FSTL5: variants seen among roughly 807,000 people sequenced by gnomAD.
FSTL5 encodes the protein follistatin-related protein 5.
A neutral mutation model predicts 89.1 loss-of-function variants in FSTL5; 62 were observed. That is an observed-to-expected ratio of 0.70 (90% CI 0.57 to 0.86). FSTL5 has a LOEUF of 0.86. Ranked by LOEUF, FSTL5 falls within the 40% of genes least tolerant of loss-of-function variation. The pLI is 0.00. For missense variants in FSTL5, 1,057 were observed against 1,001.6 expected, an observed-to-expected ratio of 1.06 and a Z score of -0.75; for synonymous variants, 383 against 346.2, an observed-to-expected ratio of 1.11 and a Z score of -1.18.
intron 1 of FSTL5, among the ~76,000 whole-genome samples, chr4:162,140,729 G>C (rs1277854226): frequency 3.9e-5 from 6 of 152,122 alleles, no homozygotes; most frequent in African/African-American, 1.4e-4. Context: ...TAGAAATAGC[G>C]CTGACTTGTT....
Position 161,658,555 on chromosome 4 carries a change from GTACACATATAAAACCACACATACA to G in FSTL5, c.728-2085_728-2062del, listed in dbSNP as rs537964140. On this transcript the variant is annotated intron_variant, in intron 6 of 15. Transcript: ENST00000306100. Reference sequence around the variant, plus strand: ...TGTCTCTGTTATATATCACATATGTGTACACATATAAAACCACACATACATACACAGAAACATAAACACACATAT... The same window carrying G: ...TGTCTCTGTTATATATCACATATGTGTACACAGAAACATAAACACACATAT... Among the ~76,000 whole-genome samples, 917 of 151,852 alleles carry G rather than the reference GTACACATATAAAACCACACATACA, an allele frequency of 6.0e-3. 10 individuals carry two copies. The highest frequency in any genetic ancestry group is 0.045 in the South Asian group (218 of 4,808).
At chr4:161,655,373 GTA>G (rs1736480001) in intron 7 of FSTL5, among the ~76,000 whole-genome samples, 2 of 151,942 alleles carry the variant, frequency 1.3e-5, no homozygotes, top group Non-Finnish European at 2.9e-5. Context: ...ATGGGAGTTG[GTA>G]TAGTCCCTAT....
intron 15 of FSTL5, among the ~76,000 whole-genome samples, chr4:161,398,705 T>C (rs1731082585): frequency 6.6e-6 from 1 of 152,150 alleles, no homozygotes; most frequent in Admixed American, 6.5e-5. Context: ...CTCAATGGAA[T>C]AGGCACTTTC....
intron 12 of FSTL5, among the ~76,000 whole-genome samples, chr4:161,499,238 T>C (rs1730210032): frequency 1.3e-5 from 2 of 152,054 alleles, no homozygotes; most frequent in Admixed American, 1.3e-4. Context: ...CCATGTGCAA[T>C]TTAAGATTTT....
chr4:161,798,764 A>G (rs1254626446), intron 4 of FSTL5, among the ~76,000 whole-genome samples: 1 of 151,716 alleles, frequency 6.6e-6, no homozygotes, highest in Non-Finnish European at 1.5e-5. Context: ...TAACTCTCTT[A>G]AAGATGAGAC....
At chr4:161,713,952 T>C (rs944952810) in intron 6 of FSTL5, among the ~76,000 whole-genome samples, 7 of 152,194 alleles carry the variant, frequency 4.6e-5, no homozygotes, top group African/African-American at 1.7e-4. Flanking sequence ...CACTTTCAAT[T>C]AGTATTCTTT....
At chr4:161,455,189 A>C in intron 14 of FSTL5, 61 bp from the exon 15 acceptor site, 2 of 1,347,874 alleles carry the variant, frequency 1.5e-6, no homozygotes, top group Non-Finnish European at 2.0e-6. Flanking sequence ...TATAAGCTTT[A>C]ATTTTATTTA....
intron 1 of FSTL5, among the ~76,000 whole-genome samples, chr4:162,129,096 C>A (rs1732196666): frequency 6.6e-6 from 1 of 152,108 alleles, no homozygotes; most frequent in African/African-American, 2.4e-5. Context: ...CCACGCCCAG[C>A]TAATTTTTGT....
At chr4:161,493,342 A>T (rs79360007) in intron 12 of FSTL5, among the ~76,000 whole-genome samples, 1,694 of 151,950 alleles carry the variant, frequency 0.011, 28 homozygotes, top group African/African-American at 0.038. Context: ...AAATATCATC[A>T]CTAACTACCT....
At chr4:161,538,723 G>T (rs562403593) in intron 9 of FSTL5, among the ~76,000 whole-genome samples, 1 of 152,062 alleles carries the variant, frequency 6.6e-6, no homozygotes, top group African/African-American at 2.4e-5. Flanking sequence ...GTAATTAATT[G>T]AGCTAAATCA....
intron 11 of FSTL5, among the ~76,000 whole-genome samples, chr4:161,508,888 G>A (rs1011721492): frequency 1.3e-5 from 2 of 151,934 alleles, no homozygotes; most frequent in Admixed American, 6.6e-5. Flanking sequence ...GCAATTAACC[G>A]TCAAAGCCAG....
chr4:162,088,261 C>T (rs1384801), intron 2 of FSTL5, among the ~76,000 whole-genome samples: 150,358 of 152,038 alleles, frequency 0.99, 74,353 homozygotes, highest in Middle Eastern at 1. Context: ...TGGTGCCTAA[C>T]AGAATATTAG....
chr4:161,690,339 A>T (rs1737886451), intron 6 of FSTL5, among the ~76,000 whole-genome samples: 1 of 152,144 alleles, frequency 6.6e-6, no homozygotes, highest in South Asian at 2.1e-4. Flanking sequence ...GGTAAAATAT[A>T]CATATAAAAT....
chr4:162,136,939 A>T (rs1251461214), intron 1 of FSTL5, among the ~76,000 whole-genome samples: 1 of 152,106 alleles, frequency 6.6e-6, no homozygotes, highest in Non-Finnish European at 1.5e-5. Context: ...TTTTTAAAAG[A>T]AGAACATTTT....
At chr4:162,062,737 A>G (rs1056040711) in intron 2 of FSTL5, among the ~76,000 whole-genome samples, 1 of 151,312 alleles carries the variant, frequency 6.6e-6, no homozygotes, top group Non-Finnish European at 1.5e-5. Context: ...AAATATATAT[A>G]TGTATATACA....
At chr4:161,453,991 T>C (rs1313225099) in intron 15 of FSTL5, among the ~76,000 whole-genome samples, 2 of 152,164 alleles carry the variant, frequency 1.3e-5, no homozygotes, top group Non-Finnish European at 2.9e-5. Context: ...ACTTTGAAAA[T>C]ATGCTTGGCT....
chr4:162,064,605 C>A (rs756419113), intron 2 of FSTL5, among the ~76,000 whole-genome samples: 1 of 152,036 alleles, frequency 6.6e-6, no homozygotes, highest in African/African-American at 2.4e-5. Flanking sequence ...AACCTGCCAA[C>A]TTTCAGACTG....
intron 7 of FSTL5, among the ~76,000 whole-genome samples, chr4:161,615,432 G>A (rs1410420303): frequency 7.1e-6 from 1 of 139,874 alleles, no homozygotes; most frequent in Non-Finnish European, 1.5e-5. Flanking sequence ...GTGACAGGGC[G>A]AGACTCCATC....
chr4:162,109,724 T>G (rs1458398502), intron 2 of FSTL5, among the ~76,000 whole-genome samples: 1 of 152,040 alleles, frequency 6.6e-6, no homozygotes, highest in Non-Finnish European at 1.5e-5. Flanking sequence ...CAGAAAAGCA[T>G]CATCATGCAT....
Sources: gnomAD v4.1 joint callset for allele counts (sites outside exome capture counted in the v4.1 genomes callset) on GRCh38, gnomAD v4.1.1 for gene constraint, MANE v1.5 for transcripts, NCBI Gene and HGNC (gene_info 2026-07-23, HGNC 2026-07-21) for gene names.